Variants in PRKDC observed in about 807,000 individuals in gnomAD.
PRKDC encodes the protein protein kinase, DNA-activated, catalytic subunit.
Under a neutral mutation model 486.9 loss-of-function variants are expected in PRKDC, and 82 were observed. That is an observed-to-expected ratio of 0.17 (90% CI 0.14 to 0.20). PRKDC has a LOEUF of 0.20. Among genes scored for constraint, PRKDC ranks in the 10% least tolerant of loss-of-function variants. The probability of loss-of-function intolerance (pLI) is 1.00; values close to 1 mark genes in which losing one functional copy is unlikely to be tolerated. For synonymous variants in PRKDC, 1,895 were observed against 1,837.0 expected, an observed-to-expected ratio of 1.03 and a Z score of -0.81; for missense variants, 4,504 against 5,038.2, an observed-to-expected ratio of 0.89 and a Z score of 3.21.
intron 44 of PRKDC, 137 bp from the exon 45 acceptor site, chr8:47,861,108 T>G (rs970761287): frequency 1.7e-5 from 11 of 642,928 alleles, no homozygotes; most frequent in Non-Finnish European, 2.8e-5. Flanking sequence ...CACTCAAAAA[T>G]AACCTCAAAA....
At position 47,859,693 on chromosome 8, in the gene PRKDC, T is replaced by G; in HGVS notation, c.6125A>C (p.Gln2042Pro). 1 of 1,613,858 alleles carries G rather than the reference T, an allele frequency of 6.2e-7. No homozygotes were observed. The highest frequency in any genetic ancestry group is 8.5e-7 in the Non-Finnish European group (1 of 1,179,770). Residue 2042 changes from glutamine to proline, a missense_variant, in exon 46 of 86, where the codon CAA becomes CCA. This residue lies in a region of PRKDC where 1,592 missense variants were observed against 1,724.6 expected (regional missense o/e 0.92). Coordinates refer to ENST00000314191, the MANE Select transcript of PRKDC (RefSeq NM_006904.7). ...CTGAACTCCGGTTGAGAAATCAAAT[T>G]GACTCATTTCCTCACTCAGGGTACT... is the stretch of plus-strand genomic sequence containing the variant. Reference protein sequence around the residue: ...ADSTLSEEMSQFDFSTGVQSY... With the variant: ...ADSTLSEEMSPFDFSTGVQSY...
At chr8:47,833,684 C>A (rs1470763219) in intron 59 of PRKDC, among the ~76,000 whole-genome samples, 1 of 152,136 alleles carries the variant, frequency 6.6e-6, no homozygotes, top group East Asian at 1.9e-4. Context: ...CACCCTTTGC[C>A]GTTACTCTAG....
Position 47,837,366 on chromosome 8 carries a change from A to G in PRKDC, c.7607T>C (p.Leu2536Ser), listed in dbSNP as rs1362931496. The part of the protein sequence containing the change: ...SHETRLPSNT[L>S]DRLLALNSLY... ...GGAATTTAGTGCCAGCAACCGGTCC[A>G]AGGTATTTGAAGGTAACCTAGTTTC... The change falls in exon 57 of 86, where the codon TTG becomes TCG. Residue 2536 changes from leucine to serine, a missense_variant. By Grantham distance (145) the Leu-to-Ser change is moderately radical. Transcript: ENST00000314191. 1.9e-6 allele frequency: 3 copies of G among 1,612,792 alleles called. No homozygotes were observed. The Admixed American group carries it at 5.0e-5, about 27-fold the overall frequency.
At chr8:47,945,889 T>C (rs1199122664) in intron 7 of PRKDC, among the ~76,000 whole-genome samples, 3 of 151,516 alleles carry the variant, frequency 2.0e-5, no homozygotes, top group Admixed American at 6.6e-5. Flanking sequence ...GCCCGGCTAA[T>C]TGTTTTGTAT....
In PRKDC at chr8:47,960,102, G is replaced by T. The variant is rs1418545381; in HGVS notation, c.25C>A (p.Arg9Ser). The T allele has an allele frequency of 6.6e-7, 1 of 1,513,932 alleles. No homozygotes were observed. Among genetic ancestry groups the T allele is most frequent in the South Asian group, 1.2e-5 (1 of 82,442 alleles). 93.8% of individuals were successfully genotyped at this position (1,513,932 alleles called of 1,614,324 possible). The change falls in exon 1 of 86, where the codon CGT (arginine) becomes AGT (serine). Residue 9 changes from arginine (R) to serine (S), a missense_variant. Transcript: ENST00000314191. ...TCCTGCAGCCGCAGCAGGGAGCAAC[G>T]CACACCGGCTCCGGAGCCCGCCATG... MAGSGAGV[R>S]CSLLRLQETL...
intron 21 of PRKDC, among the ~76,000 whole-genome samples, chr8:47,925,574 A>G (rs1255011790): frequency 6.6e-6 from 1 of 152,254 alleles, no homozygotes; most frequent in African/African-American, 2.4e-5. Context: ...AGGGCAAGTG[A>G]AAAATGTGCC....
At chr8:47,938,335 C>T (rs1381835819) in intron 11 of PRKDC, among the ~76,000 whole-genome samples, 1 of 150,932 alleles carries the variant, frequency 6.6e-6, no homozygotes, top group African/African-American at 2.4e-5. Context: ...TGCTTGAACC[C>T]GGGAGGTGGA....
intron 78 of PRKDC, among the ~76,000 whole-genome samples, chr8:47,783,420 T>C (rs918780650): frequency 6.6e-6 from 1 of 151,546 alleles, no homozygotes; most frequent in Admixed American, 6.6e-5. Context: ...AAACCCTGTC[T>C]CTACTAAAAA....
Position 47,834,350 on chromosome 8 carries a change from C to CG in PRKDC, c.7997dup (p.Leu2667AlafsTer10). 1 of 1,613,930 alleles carries CG rather than the reference C, an allele frequency of 6.2e-7. No individual in the cohort carries two copies. Among genetic ancestry groups the CG allele is most frequent in the Non-Finnish European group, 8.5e-7 (1 of 1,179,892 alleles). ...ATGAGGGACTGGTGTGGTCGACCAG[C>CG]GGGTCAGTGCTGCTCCCGGTCAGCC... On this transcript the variant is annotated frameshift_variant, in exon 59 of 86. Transcript: ENST00000314191. LOFTEE classifies it high-confidence loss of function.
chr8:47,849,291 A>G lies in PRKDC; in HGVS notation c.7143T>C (p.Ala2381=). Residue 2381 remains alanine, a synonymous_variant, in exon 54 of 86, where the codon GCT becomes GCC. Coordinates refer to ENST00000314191, the MANE Select transcript of PRKDC (RefSeq NM_006904.7). ...FPPLADRFMN[A]VFFLLPKFHG... is the part of the protein sequence containing the mutation. ...GAAATTTTGGCAGCAGAAAGAACAC[A>G]GCATTCATGAACCTGGCGGGGAAGG... The G allele has an allele frequency of 1.2e-6, 2 of 1,613,998 alleles. No individual in the cohort carries two copies. The highest frequency in any genetic ancestry group is 1.1e-5 in the South Asian group (1 of 91,086).
intron 69 of PRKDC, 86 bp from the exon 70 acceptor site, chr8:47,803,566 ACGACACAATCCACCTTAGAGTAG>A (rs2087154354): frequency 8.1e-7 from 1 of 1,240,930 alleles, no homozygotes; most frequent in Non-Finnish European, 1.2e-6. Context: ...CCCCCTTTGC[ACGACACAATCCACCTTAGAGTAG>A]CGAATCCATT....
intron 38 of PRKDC, among the ~76,000 whole-genome samples, 164 bp downstream of exon 38, chr8:47,881,252 T>C (rs1308459427): frequency 6.6e-6 from 1 of 152,108 alleles, no homozygotes; most frequent in Non-Finnish European, 1.5e-5. Context: ...CCACACAGGA[T>C]GGTTATCGAG....
rs2154504670 is a variant in PRKDC at position 47,955,854 on chromosome 8, G to C, written c.399+20C>G. 6.5e-7 allele frequency: 1 copy of C among 1,533,282 alleles called. No homozygotes were observed. Among genetic ancestry groups the C allele is most frequent in the South Asian group, 1.2e-5 (1 of 83,826 alleles). The allele number at this position is 1,533,282 out of a possible 1,614,324, so 95.0% of individuals were successfully genotyped here. ...GTTACATGTTTAATGTAAAATACGT[G>C]TACTTAGAAACATAATTACCTTAAT... On this transcript the variant is annotated intron_variant, in intron 4 of 85. Transcript: ENST00000314191.
intron 3 of PRKDC, among the ~76,000 whole-genome samples, chr8:47,956,629 C>T (rs1170189083): frequency 1.3e-5 from 2 of 150,656 alleles, no homozygotes; most frequent in African/African-American, 2.4e-5. Context: ...CCTGAGCCCA[C>T]GAGATGGAGG....
At chr8:47,860,752 T>G in intron 45 of PRKDC, 147 bp downstream of exon 45, 1 of 592,806 alleles carries the variant, frequency 1.7e-6, no homozygotes, top group Non-Finnish European at 2.8e-6. Flanking sequence ...AAAATACTTT[T>G]TCAAAGTCAA....
intron 69 of PRKDC, 109 bp downstream of exon 69, chr8:47,807,028 A>C: frequency 1.8e-6 from 2 of 1,120,804 alleles, no homozygotes; most frequent in Non-Finnish European, 2.4e-6. Context: ...AAAAAATAAC[A>C]CCTACCAATT....
chr8:47,910,806 C>T (rs2089886632), intron 25 of PRKDC, among the ~76,000 whole-genome samples: 1 of 150,614 alleles, frequency 6.6e-6, no homozygotes, highest in Admixed American at 6.6e-5. Flanking sequence ...AATATGTTTG[C>T]CTGGCACATT....
intron 7 of PRKDC, among the ~76,000 whole-genome samples, chr8:47,949,947 G>A (rs1411587303): frequency 6.6e-6 from 1 of 152,186 alleles, no homozygotes; most frequent in Non-Finnish European, 1.5e-5. Flanking sequence ...AACAAAGTAG[G>A]TCCAAACATT....
chr8:47,821,644 G>A lies in PRKDC; in HGVS notation c.9071C>T (p.Pro3024Leu), dbSNP rs201186757. The A allele has an allele frequency of 5.4e-4, 871 of 1,602,494 alleles. No individual in the cohort carries two copies. Among genetic ancestry groups the A allele is most frequent in the Non-Finnish European group, 7.2e-4 (843 of 1,173,686 alleles). ...ACTCCAGATTTTATTTAGGTCTGGG[G>A]GGTTCTCACTGTCTATACTGGCTGT... ...CSTASIDSEN[P>L]PDLNKIWSEP... is the part of the protein sequence containing the mutation. The change falls in exon 65 of 86, where the codon CCC (proline) becomes CTC (leucine). Residue 3024 changes from proline (P) to leucine (L), a missense_variant. Physicochemically the swap from Pro to Leu is moderately conservative, Grantham distance 98. Coordinates refer to ENST00000314191, the MANE Select transcript of PRKDC (RefSeq NM_006904.7).
Sources: gnomAD v4.1 joint callset for allele counts (sites outside exome capture counted in the v4.1 genomes callset) on GRCh38, gnomAD v4.1.1 for gene constraint, gnomAD v4.1.1 regional missense constraint, MANE v1.5 for transcripts, NCBI Gene and HGNC (gene_info 2026-07-23, HGNC 2026-07-21) for gene names.